SPAG16: variants seen among roughly 807,000 people sequenced by gnomAD.
The protein encoded by SPAG16 is sperm associated antigen 16, also known as sperm-associated antigen 16 protein.
A neutral mutation model predicts 80.4 loss-of-function variants in SPAG16; 86 were observed. The observed-to-expected ratio is 1.07, with a 90% CI of 0.90 to 1.28. The LOEUF is 1.28. SPAG16 is among the 50% of genes most tolerant of loss of function. SPAG16 has a pLI of 0.00. For missense variants in SPAG16, 870 were observed against 765.3 expected, an observed-to-expected ratio of 1.14 and a Z score of -1.61; for synonymous variants, 294 against 265.9, an observed-to-expected ratio of 1.11 and a Z score of -1.03.
At chr2:213,930,211 G>GT in intron 12 of SPAG16, 66 bp downstream of exon 12, 3 of 1,255,366 alleles carry the variant, frequency 2.4e-6, no homozygotes, top group East Asian at 2.6e-5. Context: ...AAGTGGTAAA[G>GT]TTCTTTTTTT....
chr2:214,341,856 T>C (rs949468305), intron 15 of SPAG16, among the ~76,000 whole-genome samples: 4 of 152,100 alleles, frequency 2.6e-5, no homozygotes, highest in African/African-American at 9.7e-5. Context: ...AGGATGGCAA[T>C]GAAGAAATCT....
intron 10 of SPAG16, among the ~76,000 whole-genome samples, chr2:213,545,440 C>A (rs541282115): frequency 4.6e-5 from 7 of 152,122 alleles, no homozygotes; most frequent in Admixed American, 1.3e-4. Context: ...TTGACAGTGT[C>A]TTTCATAGAG....
At chr2:213,454,611 A>G (rs1284413862) in intron 9 of SPAG16, among the ~76,000 whole-genome samples, 1 of 152,218 alleles carries the variant, frequency 6.6e-6, no homozygotes, top group African/African-American at 2.4e-5. Context: ...TCCAAGAAGT[A>G]AAGATATTTG....
intron 10 of SPAG16, among the ~76,000 whole-genome samples, chr2:213,593,162 A>C (rs2060766091): frequency 6.6e-6 from 1 of 152,170 alleles, no homozygotes. Context: ...CTGCCTGAGA[A>C]GTAAGAAAAA....
chr2:213,700,369 T>C (rs2065351391), intron 10 of SPAG16, among the ~76,000 whole-genome samples: 1 of 152,198 alleles, frequency 6.6e-6, no homozygotes, highest in African/African-American at 2.4e-5. Context: ...CCTTTTAAAA[T>C]GTATGACATA....
chr2:213,889,984 G>A (rs912048613), intron 11 of SPAG16, among the ~76,000 whole-genome samples: 2 of 151,846 alleles, frequency 1.3e-5, no homozygotes, highest in Non-Finnish European at 2.9e-5. Context: ...TGTGTAAGGT[G>A]GTAGATGCAG....
At chr2:213,444,684 A>G (rs1470899994) in intron 9 of SPAG16, among the ~76,000 whole-genome samples, 1 of 152,024 alleles carries the variant, frequency 6.6e-6, no homozygotes, top group Non-Finnish European at 1.5e-5. Flanking sequence ...TAGAGTTTTT[A>G]TTGTAGCAAT....
At chr2:213,921,189 A>T (rs552879050) in intron 11 of SPAG16, among the ~76,000 whole-genome samples, 1 of 152,198 alleles carries the variant, frequency 6.6e-6, no homozygotes, top group South Asian at 2.1e-4. Context: ...CAGTTGTTCC[A>T]CCTGGTTGTG....
At chr2:214,161,711 A>G (rs549114669) in intron 15 of SPAG16, among the ~76,000 whole-genome samples, 153 of 152,188 alleles carry the variant, frequency 1.0e-3, no homozygotes, top group Middle Eastern at 6.8e-3. Flanking sequence ...GCATTAGGAA[A>G]AATAGCTAAC....
intron 10 of SPAG16, among the ~76,000 whole-genome samples, chr2:213,688,939 T>A (rs187623070): frequency 1.3e-5 from 2 of 152,194 alleles, no homozygotes; most frequent in Non-Finnish European, 2.9e-5. Flanking sequence ...TTTGAACATA[T>A]GAAATTTGAT....
At chr2:214,007,485 G>A (rs1057145404) in intron 12 of SPAG16, among the ~76,000 whole-genome samples, 4 of 151,810 alleles carry the variant, frequency 2.6e-5, no homozygotes, top group South Asian at 2.1e-4. Flanking sequence ...CTTTTTGTAT[G>A]CAAATGTTTC....
chr2:213,872,910 T>C (rs1401387746), intron 11 of SPAG16, among the ~76,000 whole-genome samples: 1 of 152,128 alleles, frequency 6.6e-6, no homozygotes, highest in Non-Finnish European at 1.5e-5. Flanking sequence ...GAACCAACCT[T>C]GCATTCCTGA....
At chr2:213,789,914 T>A (rs184735093) in intron 10 of SPAG16, among the ~76,000 whole-genome samples, 1 of 151,988 alleles carries the variant, frequency 6.6e-6, no homozygotes, top group Non-Finnish European at 1.5e-5. Context: ...TATCATCCAA[T>A]GTATTTTGAG....
intron 10 of SPAG16, among the ~76,000 whole-genome samples, chr2:213,503,550 T>G (rs2074839579): frequency 6.6e-6 from 1 of 152,090 alleles, no homozygotes; most frequent in Non-Finnish European, 1.5e-5. Context: ...ACCTTTTCTT[T>G]TTGGAGAGGT....
intron 15 of SPAG16, among the ~76,000 whole-genome samples, chr2:214,218,037 T>A (rs1217564441): frequency 6.6e-6 from 1 of 152,234 alleles, no homozygotes; most frequent in Admixed American, 6.5e-5. Flanking sequence ...ATAAACTCAC[T>A]ACATCCCAGC....
intron 9 of SPAG16, among the ~76,000 whole-genome samples, chr2:213,451,626 G>A (rs951190849): frequency 2.0e-5 from 3 of 152,176 alleles, no homozygotes; most frequent in African/African-American, 7.2e-5. Context: ...GAAAAGAACA[G>A]CTCTCTGTCA....
chr2:214,121,686 A>G (rs2054227723), intron 14 of SPAG16, among the ~76,000 whole-genome samples: 1 of 151,852 alleles, frequency 6.6e-6, no homozygotes, highest in Non-Finnish European at 1.5e-5. Flanking sequence ...CTAAACTCCA[A>G]AATGTTCCAA....
chr2:213,650,465 T>G (rs1352193444), intron 10 of SPAG16, among the ~76,000 whole-genome samples: 1 of 152,198 alleles, frequency 6.6e-6, no homozygotes, highest in East Asian at 1.9e-4. Context: ...TTCTTTAATA[T>G]CCTATAACTT....
intron 9 of SPAG16, among the ~76,000 whole-genome samples, chr2:213,487,273 T>A (rs1041019761): frequency 6.6e-6 from 1 of 152,092 alleles, no homozygotes; most frequent in Non-Finnish European, 1.5e-5. Context: ...GCACTTTGAG[T>A]TAAGACCAGT....
Sources: gnomAD v4.1 joint callset for allele counts (sites outside exome capture counted in the v4.1 genomes callset) on GRCh38, gnomAD v4.1.1 for gene constraint, MANE v1.5 for transcripts, NCBI Gene and HGNC (gene_info 2026-07-23, HGNC 2026-07-21) for gene names.